EBF1: variants seen among roughly 807,000 people sequenced by gnomAD.
EBF1 encodes EBF transcription factor 1.
A neutral mutation model predicts 68.4 loss-of-function variants in EBF1; 10 were observed. That is an observed-to-expected ratio of 0.15 (90% CI 0.09 to 0.25). EBF1 has a LOEUF of 0.25. Among genes scored for constraint, EBF1 ranks in the 10% least tolerant of loss-of-function variants. The pLI is 1.00. For missense variants in EBF1, 509 were observed against 794.4 expected, an observed-to-expected ratio of 0.64 and a Z score of 4.32; for synonymous variants, 298 against 299.8, an observed-to-expected ratio of 0.99 and a Z score of 0.06.
intron 9 of EBF1, among the ~76,000 whole-genome samples, chr5:158,787,882 C>T (rs1777779903): frequency 6.6e-6 from 1 of 152,206 alleles, no homozygotes; most frequent in Non-Finnish European, 1.5e-5. Flanking sequence ...TATGTGCATA[C>T]TTATTACACA....
intron 6 of EBF1, among the ~76,000 whole-genome samples, chr5:158,962,265 C>A (rs561222024): frequency 6.6e-6 from 1 of 152,196 alleles, no homozygotes; most frequent in Non-Finnish European, 1.5e-5. Context: ...CCTGTAGGCC[C>A]CAAACAAAAC....
chr5:158,709,381 T>C (rs889112042), intron 14 of EBF1, among the ~76,000 whole-genome samples: 14 of 151,978 alleles, frequency 9.2e-5, no homozygotes, highest in Non-Finnish European at 2.1e-4. Flanking sequence ...CAGAAAGTAG[T>C]GTAGCAGCTA....
At chr5:158,817,415 C>T (rs893866462) in intron 8 of EBF1, among the ~76,000 whole-genome samples, 1 of 152,060 alleles carries the variant, frequency 6.6e-6, no homozygotes, top group Non-Finnish European at 1.5e-5. Context: ...AAACTAATTC[C>T]ATTATTGTGG....
intron 6 of EBF1, among the ~76,000 whole-genome samples, chr5:159,004,518 A>G (rs1441775728): frequency 7.0e-6 from 1 of 143,662 alleles, no homozygotes; most frequent in Non-Finnish European, 1.5e-5. Context: ...TAGCAAACCA[A>G]AAAGACAGAG....
At chr5:158,944,727 T>G (rs1317312223) in intron 6 of EBF1, among the ~76,000 whole-genome samples, 2 of 152,164 alleles carry the variant, frequency 1.3e-5, no homozygotes, top group Non-Finnish European at 2.9e-5. Flanking sequence ...CTCTCCACCA[T>G]CTGTTGTTTC....
intron 6 of EBF1, among the ~76,000 whole-genome samples, chr5:158,893,441 G>T (rs575013452): frequency 6.6e-6 from 1 of 152,180 alleles, no homozygotes; most frequent in East Asian, 1.9e-4. Context: ...TTAATTCTAC[G>T]CTATGTCACA....
chr5:159,086,821 T>C (rs150030740), intron 4 of EBF1, among the ~76,000 whole-genome samples: 56 of 152,246 alleles, frequency 3.7e-4, no homozygotes, highest in African/African-American at 1.3e-3. Flanking sequence ...TCTTACTATG[T>C]GTCAAATTTT....
At chr5:158,902,396 G>C (rs1803591499) in intron 6 of EBF1, among the ~76,000 whole-genome samples, 1 of 146,978 alleles carries the variant, frequency 6.8e-6, no homozygotes. Flanking sequence ...AGTACGATTA[G>C]GCCCAAAAGC....
intron 6 of EBF1, among the ~76,000 whole-genome samples, chr5:159,049,492 T>C (rs2127807645): frequency 1.3e-5 from 2 of 152,326 alleles, no homozygotes. Context: ...TGAACCACTA[T>C]GAAAGGAAAA....
chr5:158,792,025 C>T (rs79691892), intron 9 of EBF1, among the ~76,000 whole-genome samples: 3,614 of 152,226 alleles, frequency 0.024, 162 homozygotes, highest in African/African-American at 0.083. Flanking sequence ...CCCCTCCCTG[C>T]TCCAAATCAC....
At chr5:158,720,472 C>T (rs1194736267) in intron 11 of EBF1, among the ~76,000 whole-genome samples, 1 of 152,132 alleles carries the variant, frequency 6.6e-6, no homozygotes, top group Non-Finnish European at 1.5e-5. Flanking sequence ...GTAGACTTTG[C>T]ATTCTAAAAA....
At chr5:158,699,214 TAA>T (rs377502370) in intron 15 of EBF1, 72 bp from the exon 16 acceptor site, 2,778 of 1,130,312 alleles carry the variant, frequency 2.5e-3, no homozygotes, top group South Asian at 5.4e-3. Context: ...TAATGAAGAC[TAA>T]AAAAAAAAAA....
intron 6 of EBF1, among the ~76,000 whole-genome samples, chr5:158,932,061 G>A (rs1280055799): frequency 2.0e-5 from 3 of 152,284 alleles, no homozygotes; most frequent in South Asian, 2.1e-4. Flanking sequence ...ACTCTCACCC[G>A]TGGGAGGGGA....
At chr5:158,830,752 T>A (rs1207613559) in intron 7 of EBF1, among the ~76,000 whole-genome samples, 1 of 152,244 alleles carries the variant, frequency 6.6e-6, no homozygotes, top group Admixed American at 6.5e-5. Flanking sequence ...CTGATATGAA[T>A]GCGATATTCT....
At chr5:159,093,292 G>T (rs1331841982) in intron 4 of EBF1, among the ~76,000 whole-genome samples, 15 of 152,178 alleles carry the variant, frequency 9.9e-5, no homozygotes, top group African/African-American at 3.6e-4. Flanking sequence ...CAATTATTAT[G>T]AAAGCACACA....
chr5:159,002,011 T>C (rs542517105), intron 6 of EBF1, among the ~76,000 whole-genome samples: 1 of 152,244 alleles, frequency 6.6e-6, no homozygotes, highest in African/African-American at 2.4e-5. Flanking sequence ...ATAAAACCAA[T>C]TACTTCTAAT....
At chr5:158,761,314 G>A (rs985617437) in intron 10 of EBF1, among the ~76,000 whole-genome samples, 2 of 152,198 alleles carry the variant, frequency 1.3e-5, no homozygotes, top group Admixed American at 1.3e-4. Flanking sequence ...ATCCTGTTCT[G>A]CTGTCGGTTT....
intron 6 of EBF1, among the ~76,000 whole-genome samples, chr5:159,037,851 T>A (rs1023111924): frequency 1.3e-5 from 2 of 152,154 alleles, no homozygotes; most frequent in African/African-American, 2.4e-5. Flanking sequence ...CCTCCAAGCT[T>A]CCTTATCAAT....
At chr5:158,878,342 C>G (rs1310724938) in intron 6 of EBF1, among the ~76,000 whole-genome samples, 1 of 152,070 alleles carries the variant, frequency 6.6e-6, no homozygotes, top group Non-Finnish European at 1.5e-5. Context: ...CACAGAGCCT[C>G]CCAAATCAAA....
Sources: allele counts gnomAD v4.1 joint callset (sites outside exome capture counted in the v4.1 genomes callset), GRCh38; gene constraint gnomAD v4.1.1; transcripts MANE v1.5; gene names NCBI Gene and HGNC (gene_info 2026-07-23, HGNC 2026-07-21).